PAGE2B: variants seen among roughly 807,000 people sequenced by gnomAD.
PAGE2B encodes PAGE family member 2B, also known as putative G antigen family E member 3.
A neutral mutation model predicts 7.6 loss-of-function variants in PAGE2B; 5 were observed. The ratio of observed to expected loss-of-function variants is 0.66; its 90% confidence interval spans 0.34 to 1.38. The LOEUF (loss-of-function observed/expected upper bound fraction) is 1.38, where lower values mean the gene tolerates loss of function less well. PAGE2B is among the 40% of genes most tolerant of loss of function. The pLI, the probability that PAGE2B is intolerant of heterozygous loss-of-function variation, is 0.04. For missense variants in PAGE2B, 70 were observed against 78.4 expected (o/e 0.89, Z 0.41); for synonymous variants, 29 against 26.7 (o/e 1.09, Z -0.27).
chrX:55,068,662 A>C, the PAGE2B span, among the ~76,000 whole-genome samples: 1 of 111,777 alleles, frequency 8.9e-6, no homozygotes, highest in African/African-American at 3.3e-5. Flanking sequence ...GATTCTTCCT[A>C]TCCATGAACA....
chrX:55,047,103 G>A, the PAGE2B span, among the ~76,000 whole-genome samples: 8 of 107,400 alleles, frequency 7.4e-5, no homozygotes, highest in Admixed American at 5.0e-4. Flanking sequence ...AACAGGCCCC[G>A]GTGTGTGATG....
the PAGE2B span, among the ~76,000 whole-genome samples, chrX:55,036,479 A>T: frequency 9.0e-6 from 1 of 111,262 alleles, no homozygotes; most frequent in African/African-American, 3.3e-5. Context: ...CATCCCATCA[A>T]TACCTAATTT....
At chrX:55,066,592 T>G in the PAGE2B span, among the ~76,000 whole-genome samples, 3 of 111,975 alleles carry the variant, frequency 2.7e-5, no homozygotes, top group East Asian at 8.4e-4. Flanking sequence ...TTCAGCGCTT[T>G]AAATATATCA....
chrX:55,058,819 G>A, the PAGE2B span, among the ~76,000 whole-genome samples: 12 of 110,788 alleles, frequency 1.1e-4, no homozygotes, highest in African/African-American at 2.0e-4. Context: ...TAGTAAAACC[G>A]GAGAACAGTC....
chrX:55,048,095 T>G, the PAGE2B span, among the ~76,000 whole-genome samples: 1 of 112,088 alleles, frequency 8.9e-6, no homozygotes, highest in African/African-American at 3.2e-5. Flanking sequence ...TTGCTTGTTT[T>G]TCTCAGGTTT....
the PAGE2B span, among the ~76,000 whole-genome samples, chrX:55,054,209 A>G: frequency 1.8e-5 from 2 of 108,936 alleles, no homozygotes; most frequent in Non-Finnish European, 1.9e-5. Flanking sequence ...ACTCCATCTT[A>G]AAAAAAACAA....
At chrX:55,039,445 A>G in the PAGE2B span, among the ~76,000 whole-genome samples, 17 of 110,202 alleles carry the variant, frequency 1.5e-4, no homozygotes, top group African/African-American at 5.3e-4. Context: ...GTATATACAT[A>G]CCAAAGAATA....
chrX:55,046,206 C>T, the PAGE2B span, among the ~76,000 whole-genome samples: 3 of 111,456 alleles, frequency 2.7e-5, no homozygotes, highest in Admixed American at 1.9e-4. Context: ...CTCCACTTCC[C>T]GGGTTCAAGC....
the PAGE2B span, among the ~76,000 whole-genome samples, chrX:55,069,822 A>T: frequency 9.0e-6 from 1 of 111,354 alleles, no homozygotes; most frequent in Admixed American, 9.5e-5. Flanking sequence ...TTTCTAGTTT[A>T]TTTGCGTAGA....
At chrX:55,059,303 TTC>T in the PAGE2B span, among the ~76,000 whole-genome samples, 2,282 of 111,326 alleles carry the variant, frequency 0.02, 41 homozygotes, top group African/African-American at 0.061. Flanking sequence ...CCCCTGCTGT[TTC>T]TCTGTGCATA....
chrX:55,066,916 C>G, the PAGE2B span, among the ~76,000 whole-genome samples: 1 of 111,373 alleles, frequency 9.0e-6, no homozygotes, highest in East Asian at 2.8e-4. Context: ...AGGTCAATAA[C>G]TCTTAGATTT....
the PAGE2B span, among the ~76,000 whole-genome samples, chrX:55,057,123 T>A: frequency 5.7e-3 from 635 of 111,338 alleles, 5 homozygotes; most frequent in African/African-American, 0.02. Flanking sequence ...GGGATGGCTG[T>A]AGTGGTAGAG....
chrX:55,031,430 T>C, the PAGE2B span, among the ~76,000 whole-genome samples: 1 of 111,752 alleles, frequency 8.9e-6, no homozygotes, highest in Non-Finnish European at 1.9e-5. Context: ...TTTGGTAATA[T>C]CATGTATGGA....
chrX:55,035,278 T>C, the PAGE2B span, among the ~76,000 whole-genome samples: 1 of 112,131 alleles, frequency 8.9e-6, no homozygotes, highest in Admixed American at 9.5e-5. Flanking sequence ...AGAATGTGTT[T>C]TCTTTCTCAA....
At chrX:55,057,029 G>C in the PAGE2B span, among the ~76,000 whole-genome samples, 37 of 111,540 alleles carry the variant, frequency 3.3e-4, no homozygotes, top group Non-Finnish European at 6.8e-4. Flanking sequence ...ATGCAGAGAG[G>C]AAGGAAGACA....
chrX:55,067,493 G>A, the PAGE2B span, among the ~76,000 whole-genome samples: 15 of 111,619 alleles, frequency 1.3e-4, no homozygotes, highest in African/African-American at 4.6e-4. Context: ...TTGCTATTGT[G>A]AACAGTGCTG....
At chrX:55,034,786 ATATATATATTTATG>A in the PAGE2B span, among the ~76,000 whole-genome samples, 1 of 108,395 alleles carries the variant, frequency 9.2e-6, no homozygotes, top group Admixed American at 1.0e-4. Flanking sequence ...ATATACATAC[ATATATATATTTATG>A]TATATATATA....
At chrX:55,063,372 T>C in the PAGE2B span, among the ~76,000 whole-genome samples, 4 of 111,667 alleles carry the variant, frequency 3.6e-5, no homozygotes, top group Admixed American at 1.9e-4. Context: ...GATTGTTCGC[T>C]GTTAGCATAT....
In PAGE2B at chrX:55,076,550, C is replaced by A; in HGVS notation, c.85-19C>A. ...TTATATTATTGACTTTTTATTCACA[C>A]ACACACTTACACCCTTAGGTCCAGG... is the stretch of plus-strand genomic sequence containing the variant. On this transcript the variant is annotated intron_variant, in intron 2 of 4. Transcript: ENST00000374971. The A allele has an allele frequency of 8.6e-7, 1 of 1,163,448 alleles. No homozygotes were observed. Among genetic ancestry groups the A allele is most frequent in the South Asian group, 1.9e-5 (1 of 52,062 alleles).
Sources: gnomAD v4.1 joint callset for allele counts (sites outside exome capture counted in the v4.1 genomes callset) on GRCh38, gnomAD v4.1.1 for gene constraint, MANE v1.5 for transcripts, NCBI Gene and HGNC (gene_info 2026-07-23, HGNC 2026-07-21) for gene names.